The following MTOR variants were observed in gnomAD, a reference collection of about 807,000 sequenced individuals.
MTOR encodes the protein serine/threonine-protein kinase mTOR.
MTOR carries 70 observed loss-of-function variants against 319.8 expected under a neutral mutation model. That is an observed-to-expected ratio of 0.22 (90% CI 0.18 to 0.27). The LOEUF is 0.27. Among genes scored for constraint, MTOR ranks in the 10% least tolerant of loss-of-function variants. MTOR has a pLI of 1.00. For missense variants in MTOR, 1,890 were observed against 3,274.4 expected, an observed-to-expected ratio of 0.58 and a Z score of 10.32; for synonymous variants, 1,183 against 1,211.4, an observed-to-expected ratio of 0.98 and a Z score of 0.49.
chr1:11,222,199 A>AT (rs1646688730), intron 19 of MTOR, among the ~76,000 whole-genome samples: 3 of 151,844 alleles, frequency 2.0e-5, no homozygotes, highest in African/African-American at 7.2e-5. Context: ...ATTTAAAAAA[A>AT]ATTTTTTTTT....
chr1:11,124,669 G>C (rs2100383512), intron 46 of MTOR, 36 bp from the exon 47 acceptor site: 1 of 1,584,652 alleles, frequency 6.3e-7, no homozygotes, highest in Non-Finnish European at 8.6e-7. Flanking sequence ...GTGTACATCA[G>C]AGGTCCTCAG....
In MTOR at chr1:11,238,447, C is replaced by A. The variant is rs141403743; in HGVS notation, c.1957G>T (p.Ala653Ser). 6.2e-7 allele frequency: 1 copy of A among 1,614,230 alleles called. No individual in the cohort carries two copies. The highest frequency in any genetic ancestry group is 1.3e-5 in the African/African-American group (1 of 75,060). ...ACGAGCAGTTTGCTAAGCACATCTG[C>A]CACCACTTGCACTGCGGTCTGGCTA... ...VVSQTAVQVV[A>S]DVLSKLLVVG... Residue 653 changes from alanine (A) to serine (S), a missense_variant, in exon 12 of 58, where the codon GCA becomes TCA. This residue lies in a region of MTOR where 418 missense variants were observed against 543.1 expected (regional missense o/e 0.77). Transcript: ENST00000361445.
rs1645906787 is a variant in MTOR at position 11,199,994 on chromosome 1, T to C, written c.3945-291A>G. On this transcript the variant is annotated intron_variant, in intron 26 of 57. Transcript: ENST00000361445. This position sits in a 1 kb window ranked among gnomAD's most constrained non-coding sequence, Gnocchi z 4.5. ...GAATTTTACACTGCAGGTACAGACA[T>C]TGTGATATTCAGGGACTTGGGGGGC... 1.3e-5 allele frequency among the ~76,000 whole-genome samples: 2 copies of C among 152,110 alleles called. No homozygotes were observed. The highest frequency in any genetic ancestry group is 2.9e-5 in the Non-Finnish European group (2 of 68,020).
chr1:11,206,096 T>G (rs1025365858), intron 25 of MTOR, among the ~76,000 whole-genome samples: 1 of 152,176 alleles, frequency 6.6e-6, no homozygotes, highest in Non-Finnish European at 1.5e-5. Flanking sequence ...AACCTCTGAA[T>G]GAGAAGGAAG....
Position 11,121,870 on chromosome 1 carries a change from C to T in MTOR, c.6810+109G>A. The T allele has an allele frequency of 7.0e-7, 1 of 1,425,108 alleles. No homozygotes were observed. Among genetic ancestry groups the T allele is most frequent in the South Asian group, 1.4e-5 (1 of 72,086 alleles). 88.3% of individuals were successfully genotyped at this position (1,425,108 alleles called of 1,614,324 possible). On this transcript the variant is annotated intron_variant, in intron 48 of 57. Transcript: ENST00000361445. This position sits in a 1 kb window ranked among gnomAD's most constrained non-coding sequence, Gnocchi z 4.9. The stretch of plus-strand genomic sequence containing the variant: ...TTAAACCTTCTTCAAAGCTGATTCT[C>T]TCAAAGAGATTTTTCAGTGACAGAC...
chr1:11,175,217 T>C (rs1486126523), intron 28 of MTOR, among the ~76,000 whole-genome samples: 2 of 152,242 alleles, frequency 1.3e-5, no homozygotes, highest in East Asian at 3.9e-4. Context: ...ATCCGCATAA[T>C]AGAATCCAGA....
intron 8 of MTOR, 147 bp downstream of exon 8, chr1:11,247,478 C>T (rs1649000701): frequency 1.4e-6 from 1 of 693,312 alleles, no homozygotes; most frequent in Non-Finnish European, 2.4e-6. Flanking sequence ...AAAACCTGAA[C>T]TAAATAGCAT....
At chr1:11,211,828 T>C (rs1488561571) in intron 23 of MTOR, among the ~76,000 whole-genome samples, 2 of 152,192 alleles carry the variant, frequency 1.3e-5, no homozygotes, top group Non-Finnish European at 2.9e-5. Context: ...CTTGCTCCTC[T>C]GAAGTCACAC....
intron 25 of MTOR, 146 bp downstream of exon 25, chr1:11,209,166 C>A: frequency 1.0e-6 from 1 of 959,594 alleles, no homozygotes; most frequent in Non-Finnish European, 1.5e-6. Flanking sequence ...TGTAAAAAGA[C>A]AAAATGATCT....
chr1:11,201,340 A>G (rs766852200), intron 26 of MTOR, among the ~76,000 whole-genome samples: 6 of 152,226 alleles, frequency 3.9e-5, no homozygotes, highest in Non-Finnish European at 8.8e-5. Flanking sequence ...AGCTGAGTAC[A>G]TGATATCTCC....
intron 18 of MTOR, among the ~76,000 whole-genome samples, chr1:11,230,516 C>T (rs894383807): frequency 1.3e-5 from 2 of 152,168 alleles, no homozygotes; most frequent in African/African-American, 2.4e-5. Flanking sequence ...CCCTGAGCCT[C>T]GCCTCTGATT....
rs904992809 is a variant in MTOR, at chr1:11,121,157, C to G, written c.6933+89G>C. The G allele has an allele frequency of 5.3e-5, 82 of 1,536,874 alleles. 2 individuals are homozygous for G. The African/African-American group carries it at 1.1e-3, about 21-fold the overall frequency. On this transcript the variant is annotated intron_variant, in intron 49 of 57. Transcript: ENST00000361445. This position sits in a 1 kb window ranked among gnomAD's most constrained non-coding sequence, Gnocchi z 4.9. ...ACAGCCAATCACAGCAAAGAAGAGC[C>G]GCTGTGTGCACATGAACAGATGGGA...
intron 54 of MTOR, chr1:11,111,133 T>G (rs1275405016): frequency 4.4e-6 from 2 of 455,908 alleles, no homozygotes; most frequent in Non-Finnish European, 8.8e-6. Context: ...ATTTCTTGCC[T>G]GAAACACCCT....
rs113491275 is a variant in MTOR at position 11,115,624 on chromosome 1, G to C, written c.7017-156C>G. On this transcript the variant is annotated intron_variant, in intron 50 of 57. Transcript: ENST00000361445. This position sits in a 1 kb window ranked among gnomAD's most constrained non-coding sequence, Gnocchi z 4.5. ...CACTTCTGCAAGTCCAGTTTTACTG[G>C]AACACACAGCACGCTCCCTTGTTTA... The C allele has an allele frequency of 1.5e-6, 1 of 664,686 alleles. No individual in the cohort carries two copies. The highest frequency in any genetic ancestry group is 2.2e-5 in the Admixed American group (1 of 45,126). The allele number at this position is 664,686 out of a possible 1,614,324, so 41.2% of individuals were successfully genotyped here.
At chr1:11,216,108 C>T in intron 20 of MTOR, 40 bp downstream of exon 20, 1 of 1,495,780 alleles carries the variant, frequency 6.7e-7, no homozygotes, top group Non-Finnish European at 9.3e-7. Flanking sequence ...CCTTCCTTGA[C>T]CCAAACATGG....
chr1:11,180,447 C>T (rs1388690892), intron 28 of MTOR, among the ~76,000 whole-genome samples: 1 of 152,176 alleles, frequency 6.6e-6, no homozygotes, highest in Non-Finnish European at 1.5e-5. Flanking sequence ...CTGTAAAACC[C>T]AGTCACCCTT....
chr1:11,188,790 T>C lies in MTOR; in HGVS notation c.4253+10468A>G, dbSNP rs3806316. On this transcript the variant is annotated intron_variant, in intron 28 of 57. Transcript: ENST00000361445. ...TATTCTTCTATTTCTAGAACTTTTC[T>C]AAGTTGGAAGATTTCAAATGTGAGA... Among the ~76,000 whole-genome samples, 258 of 152,364 alleles carry C rather than the reference T, an allele frequency of 1.7e-3. 7 individuals carry two copies. The East Asian group carries it at 0.036, about 22-fold the overall frequency.
intron 13 of MTOR, among the ~76,000 whole-genome samples, chr1:11,235,402 C>T (rs1364703262): frequency 6.6e-6 from 1 of 151,828 alleles, no homozygotes; most frequent in African/African-American, 2.4e-5. Flanking sequence ...GTGGACTGCT[C>T]GAGCCCAAGA....
rs1482783942 is a variant in MTOR at position 11,144,308 on chromosome 1, G to A, written c.4872+340C>T. 4 of 200,800 alleles carry A rather than the reference G, an allele frequency of 2.0e-5. No homozygotes were observed. In the East Asian group the frequency reaches 4.0e-4, roughly 20 times the overall value. 12.4% of individuals were successfully genotyped at this position (200,800 alleles called of 1,614,324 possible). On this transcript the variant is annotated intron_variant, in intron 34 of 57. Coordinates refer to ENST00000361445, the MANE Select transcript of MTOR (RefSeq NM_004958.4). Reference sequence around the variant, plus strand: ...AGCCTGGGCATCAGGATTTTAAAAAGCTCTGCAGGTGATTCTACTGTGCTG... The same window carrying A: ...AGCCTGGGCATCAGGATTTTAAAAAACTCTGCAGGTGATTCTACTGTGCTG...
Sources: gnomAD v4.1 joint callset for allele counts (sites outside exome capture counted in the v4.1 genomes callset) on GRCh38, gnomAD v4.1.1 for gene constraint, gnomAD v4.1.1 regional missense constraint, Gnocchi (gnomAD v3.1) non-coding constraint, MANE v1.5 for transcripts, NCBI Gene and HGNC (gene_info 2026-07-23, HGNC 2026-07-21) for gene names.